MAGI1: variants seen among roughly 807,000 people sequenced by gnomAD.
MAGI1 encodes membrane-associated guanylate kinase, WW and PDZ domain-containing protein 1.
MAGI1 carries 58 observed loss-of-function variants against 139.9 expected under a neutral mutation model. The observed-to-expected ratio is 0.41, with a 90% CI of 0.34 to 0.52. The LOEUF (loss-of-function observed/expected upper bound fraction) is 0.52, where lower values mean the gene tolerates loss of function less well. Among genes scored for constraint, MAGI1 ranks in the 20% least tolerant of loss-of-function variants. MAGI1 has a pLI of 0.12. For missense variants in MAGI1, 1,874 were observed against 1,901.6 expected, an observed-to-expected ratio of 0.99 and a Z score of 0.27; for synonymous variants, 812 against 737.9, an observed-to-expected ratio of 1.10 and a Z score of -1.63.
At chr3:65,732,029 T>C (rs1291628679) in intron 1 of MAGI1, among the ~76,000 whole-genome samples, 1 of 152,228 alleles carries the variant, frequency 6.6e-6, no homozygotes, top group African/African-American at 2.4e-5. Flanking sequence ...TGAATATTTT[T>C]CCCCTTTAAA....
rs1484151727 is a variant in MAGI1, at chr3:65,409,997, G to C, written c.2168-8527C>G. 3.3e-5 allele frequency among the ~76,000 whole-genome samples: 5 copies of C among 152,180 alleles called. No homozygotes were observed. The East Asian group carries it at 5.8e-4, about 18-fold the overall frequency. On this transcript the variant is annotated intron_variant, in intron 12 of 22. Coordinates refer to ENST00000402939, the MANE Select transcript of MAGI1 (RefSeq NM_001033057.2). ...ATGTCCCAGTAGAAATAAATGGCTTGCAAAGCTGGTGATTCCTGATGGCTT... is the reference window on the plus strand; with the variant it reads ...ATGTCCCAGTAGAAATAAATGGCTTCCAAAGCTGGTGATTCCTGATGGCTT...
chr3:65,805,884 C>G (rs1313711338), intron 1 of MAGI1, among the ~76,000 whole-genome samples: 1 of 152,012 alleles, frequency 6.6e-6, no homozygotes, highest in Non-Finnish European at 1.5e-5. Context: ...GGGAGCTGAA[C>G]AATGAGAACA....
At chr3:65,515,298 T>C (rs1202282197) in intron 2 of MAGI1, among the ~76,000 whole-genome samples, 2 of 151,842 alleles carry the variant, frequency 1.3e-5, no homozygotes, top group African/African-American at 4.8e-5. Context: ...ACCCTAAAAC[T>C]TAAAGTATAA....
At chr3:65,953,913 T>C (rs1046493026) in intron 1 of MAGI1, among the ~76,000 whole-genome samples, 2 of 152,258 alleles carry the variant, frequency 1.3e-5, no homozygotes, top group African/African-American at 4.8e-5. Flanking sequence ...TTTGTGGAAC[T>C]GAAAACCTAG....
chr3:66,006,664 T>G (rs1206010591), intron 1 of MAGI1, among the ~76,000 whole-genome samples: 1 of 152,320 alleles, frequency 6.6e-6, no homozygotes, highest in East Asian at 1.9e-4. Context: ...ATGTCACATA[T>G]AATACTGTCG....
intron 2 of MAGI1, among the ~76,000 whole-genome samples, chr3:65,614,913 T>G (rs2083293577): frequency 6.6e-6 from 1 of 151,714 alleles, no homozygotes; most frequent in African/African-American, 2.4e-5. Flanking sequence ...TCCCAGCTAC[T>G]CTGGAGGCTG....
intron 1 of MAGI1, among the ~76,000 whole-genome samples, chr3:65,955,315 G>A (rs1410625527): frequency 6.6e-6 from 1 of 152,196 alleles, no homozygotes; most frequent in African/African-American, 2.4e-5. Context: ...GGGCCAGCCT[G>A]GACAACACTG....
chr3:65,534,768 A>G (rs532462424), intron 2 of MAGI1, among the ~76,000 whole-genome samples: 1 of 152,328 alleles, frequency 6.6e-6, no homozygotes, highest in South Asian at 2.1e-4. Context: ...GGCTGCCTCC[A>G]AATTCAATCC....
chr3:65,693,403 C>T (rs910622108), intron 1 of MAGI1, among the ~76,000 whole-genome samples: 1 of 152,180 alleles, frequency 6.6e-6, no homozygotes, highest in African/African-American at 2.4e-5. Context: ...GACCCTTGTC[C>T]ACAGTGCCCC....
At chr3:65,742,020 C>T (rs2035316833) in intron 1 of MAGI1, among the ~76,000 whole-genome samples, 1 of 152,128 alleles carries the variant, frequency 6.6e-6, no homozygotes, top group African/African-American at 2.4e-5. Context: ...GGAATGCAGT[C>T]TACAAAATGA....
chr3:65,663,755 T>C (rs768001571), intron 1 of MAGI1, among the ~76,000 whole-genome samples: 6 of 152,156 alleles, frequency 3.9e-5, no homozygotes, highest in African/African-American at 7.2e-5. Flanking sequence ...TCAAGGTTCC[T>C]TGTGCACTGT....
At chr3:65,865,694 G>A (rs2059701341) in intron 1 of MAGI1, among the ~76,000 whole-genome samples, 1 of 152,232 alleles carries the variant, frequency 6.6e-6, no homozygotes, top group African/African-American at 2.4e-5. Flanking sequence ...AGGCTGGAGT[G>A]CAATGGCGCA....
At chr3:65,526,096 T>G (rs1313498418) in intron 2 of MAGI1, among the ~76,000 whole-genome samples, 2 of 152,222 alleles carry the variant, frequency 1.3e-5, no homozygotes, top group African/African-American at 4.8e-5. Flanking sequence ...ATAATCTACA[T>G]CACCTAATAA....
intron 1 of MAGI1, among the ~76,000 whole-genome samples, chr3:65,691,954 C>G (rs1196513071): frequency 6.6e-6 from 1 of 152,152 alleles, no homozygotes; most frequent in African/African-American, 2.4e-5. Flanking sequence ...AAATCAAAAT[C>G]CAAAGTGCTA....
intron 1 of MAGI1, chr3:65,925,371 C>G (rs1438685241): frequency 6.6e-6 from 1 of 151,938 alleles, no homozygotes; most frequent in East Asian, 1.9e-4. Flanking sequence ...AAAGGCCAAA[C>G]AGAATGACAA....
chr3:65,463,147 C>T (rs536258854), intron 5 of MAGI1, among the ~76,000 whole-genome samples: 2 of 151,292 alleles, frequency 1.3e-5, no homozygotes, highest in South Asian at 2.1e-4. Flanking sequence ...CCAGAACTTC[C>T]AGGTGGTAAG....
intron 1 of MAGI1, among the ~76,000 whole-genome samples, chr3:65,942,746 G>A (rs778859421): frequency 3.9e-5 from 6 of 152,032 alleles, no homozygotes; most frequent in South Asian, 2.1e-4. Context: ...GACCAGGTGC[G>A]GTGGCTCACC....
At position 65,605,899 on chromosome 3, in the gene MAGI1, G is replaced by C. The variant is rs1340952160; in HGVS notation, c.430+16073C>G. On this transcript the variant is annotated intron_variant, in intron 2 of 22. Transcript: ENST00000402939. The stretch of plus-strand genomic sequence containing the variant: ...ACTTCTACCCACAACCCAGAGAGGA[G>C]ATCCGGCGAGTCCTACTTTGTGCAG... 2.0e-5 allele frequency among the ~76,000 whole-genome samples: 3 copies of C among 152,284 alleles called. No homozygotes were observed. In the East Asian group the frequency reaches 5.8e-4, roughly 29 times the overall value.
intron 1 of MAGI1, among the ~76,000 whole-genome samples, chr3:65,841,811 C>A (rs1185830037): frequency 6.6e-6 from 1 of 152,102 alleles, no homozygotes; most frequent in Non-Finnish European, 1.5e-5. Context: ...TTCACAGGAA[C>A]CTAACTGTAT....
Sources: gnomAD v4.1 joint callset for allele counts (sites outside exome capture counted in the v4.1 genomes callset) on GRCh38, gnomAD v4.1.1 for gene constraint, MANE v1.5 for transcripts, NCBI Gene and HGNC (gene_info 2026-07-23, HGNC 2026-07-21) for gene names.